UNC5C: variants seen among roughly 807,000 people sequenced by gnomAD.
UNC5C encodes the protein unc-5 netrin receptor C.
In UNC5C, 47 loss-of-function variants were observed where a neutral mutation model predicts 99.8. That is an observed-to-expected ratio of 0.47 (90% CI 0.37 to 0.60). UNC5C has a LOEUF of 0.60. Among genes scored for constraint, UNC5C ranks in the 20% least tolerant of loss-of-function variants. UNC5C has a pLI of 0.00. For missense variants in UNC5C, 1,062 were observed against 1,165.9 expected, an observed-to-expected ratio of 0.91 and a Z score of 1.30; for synonymous variants, 487 against 452.2, an observed-to-expected ratio of 1.08 and a Z score of -0.98.
intron 4 of UNC5C, among the ~76,000 whole-genome samples, chr4:95,275,308 G>A: frequency 6.6e-6 from 1 of 152,086 alleles, no homozygotes; most frequent in East Asian, 1.9e-4. Flanking sequence ...GAATTTAAGA[G>A]GTTGAGTTTG....
intron 4 of UNC5C, among the ~76,000 whole-genome samples, chr4:95,266,416 A>C (rs1740449580): frequency 6.6e-6 from 1 of 152,236 alleles, no homozygotes. Context: ...TTATTAACGA[A>C]TATGAATGAT....
chr4:95,519,174 A>AAGTT (rs1433429595), intron 1 of UNC5C, among the ~76,000 whole-genome samples: 1 of 152,178 alleles, frequency 6.6e-6, no homozygotes, highest in Non-Finnish European at 1.5e-5. Context: ...GTAGTCTGCT[A>AAGTT]AACTGCAAGC....
chr4:95,416,099 CA>C (rs1746157256), intron 1 of UNC5C, among the ~76,000 whole-genome samples: 1 of 152,034 alleles, frequency 6.6e-6, no homozygotes, highest in Non-Finnish European at 1.5e-5. Context: ...GTTCGGAGGG[CA>C]GACAAATAGC....
chr4:95,481,581 G>A (rs568471277), intron 1 of UNC5C, among the ~76,000 whole-genome samples: 10 of 152,180 alleles, frequency 6.6e-5, no homozygotes, highest in Admixed American at 5.2e-4. Flanking sequence ...AACAAAACTG[G>A]AGGCATCACT....
At chr4:95,412,451 C>T (rs1187046948) in intron 1 of UNC5C, among the ~76,000 whole-genome samples, 2 of 152,124 alleles carry the variant, frequency 1.3e-5, no homozygotes, top group Non-Finnish European at 2.9e-5. Flanking sequence ...AGACTGGAAG[C>T]TCCTTGAAGG....
intron 1 of UNC5C, among the ~76,000 whole-genome samples, chr4:95,447,672 T>C (rs906193350): frequency 2.0e-5 from 3 of 152,134 alleles, no homozygotes; most frequent in Non-Finnish European, 4.4e-5. Context: ...AGCTAACTTT[T>C]GTATTTTTAG....
At chr4:95,442,133 A>G (rs3891686) in intron 1 of UNC5C, among the ~76,000 whole-genome samples, 8,500 of 152,176 alleles carry the variant, frequency 0.056, 370 homozygotes, top group East Asian at 0.27. Flanking sequence ...AGAGAAAGAG[A>G]TTGAATTATC....
chr4:95,506,815 A>G (rs1210019071), intron 1 of UNC5C, among the ~76,000 whole-genome samples: 1 of 151,928 alleles, frequency 6.6e-6, no homozygotes, highest in Non-Finnish European at 1.5e-5. Context: ...TCCAGGATAC[A>G]TCTGATTTTC....
At chr4:95,548,012 G>A (rs1723118761) in intron 1 of UNC5C, among the ~76,000 whole-genome samples, 1 of 152,214 alleles carries the variant, frequency 6.6e-6, no homozygotes, top group African/African-American at 2.4e-5. Flanking sequence ...GTTTGAACAA[G>A]CAGCCGGTTC....
chr4:95,181,724 T>A (rs1228301419), intron 14 of UNC5C, among the ~76,000 whole-genome samples: 2 of 151,940 alleles, frequency 1.3e-5, no homozygotes, highest in Admixed American at 1.3e-4. Context: ...AAAAGTCTCA[T>A]GAAACTACAG....
intron 1 of UNC5C, among the ~76,000 whole-genome samples, chr4:95,512,288 C>T (rs886174048): frequency 6.6e-6 from 1 of 152,110 alleles, no homozygotes; most frequent in Non-Finnish European, 1.5e-5. Flanking sequence ...CACAGGCACA[C>T]CACTCTGATG....
chr4:95,286,899 G>A (rs1235188111), intron 3 of UNC5C, among the ~76,000 whole-genome samples: 1 of 152,148 alleles, frequency 6.6e-6, no homozygotes, highest in Non-Finnish European at 1.5e-5. Context: ...TATGTTGTCA[G>A]CTACTTAAAA....
intron 7 of UNC5C, among the ~76,000 whole-genome samples, chr4:95,228,013 G>A (rs1445607090): frequency 6.6e-6 from 1 of 152,124 alleles, no homozygotes; most frequent in Non-Finnish European, 1.5e-5. Flanking sequence ...CAGAGCCCAT[G>A]TCCAAGTATT....
intron 1 of UNC5C, among the ~76,000 whole-genome samples, chr4:95,404,281 A>G (rs1340577147): frequency 1.3e-5 from 2 of 152,206 alleles, no homozygotes; most frequent in Non-Finnish European, 2.9e-5. Context: ...AAACAAAAGT[A>G]GCCCTGAGTT....
At chr4:95,333,636 G>A (rs1369027939) in intron 2 of UNC5C, among the ~76,000 whole-genome samples, 1 of 151,948 alleles carries the variant, frequency 6.6e-6, no homozygotes, top group African/African-American at 2.4e-5. Flanking sequence ...ACCAGTTAAT[G>A]GGTGCAGCAC....
chr4:95,534,105 T>C (rs1722717320), intron 1 of UNC5C, among the ~76,000 whole-genome samples: 1 of 152,156 alleles, frequency 6.6e-6, no homozygotes, highest in Admixed American at 6.5e-5. Context: ...AGCACAGCAC[T>C]TGAGGAAGTT....
chr4:95,253,254 T>G (rs889581522), intron 4 of UNC5C, among the ~76,000 whole-genome samples: 1 of 152,188 alleles, frequency 6.6e-6, no homozygotes, highest in African/African-American at 2.4e-5. Flanking sequence ...CCTATGTAAA[T>G]GATGTCAGTT....
At chr4:95,280,508 G>A (rs555274464) in intron 3 of UNC5C, among the ~76,000 whole-genome samples, 18 of 152,258 alleles carry the variant, frequency 1.2e-4, no homozygotes, top group African/African-American at 4.1e-4. Context: ...GGCCAACATG[G>A]TGAAACCCAG....
Position 95,301,696 on chromosome 4 carries a change from G to T in UNC5C, c.400C>A (p.Leu134Ile). ...CACCAGTAATCTTCAGGTCCAAAGA[G>T]TTCTTCCACTTGCTGGCGCGAAATC... ...IEISRQQVEE[L>I]FGPEDYWCQC... Residue 134 changes from leucine (L) to isoleucine (I), a missense_variant, in exon 3 of 16, where the codon CTC becomes ATC. Physicochemically the swap from Leu to Ile is conservative, Grantham distance 5 (BLOSUM62 2). This residue lies in a region of UNC5C where 249 missense variants were observed against 295.1 expected (regional missense o/e 0.84). Transcript: ENST00000453304. The T allele has an allele frequency of 6.2e-7, 1 of 1,613,474 alleles. No individual in the cohort carries two copies. The highest frequency in any genetic ancestry group is 8.5e-7 in the Non-Finnish European group (1 of 1,180,028).
Sources: gnomAD v4.1 joint callset for allele counts (sites outside exome capture counted in the v4.1 genomes callset) on GRCh38, gnomAD v4.1.1 for gene constraint, gnomAD v4.1.1 regional missense constraint, MANE v1.5 for transcripts, NCBI Gene and HGNC (gene_info 2026-07-23, HGNC 2026-07-21) for gene names.